The following GPHN variants were observed in gnomAD, a reference collection of about 807,000 sequenced individuals.
GPHN encodes gephyrin.
A neutral mutation model predicts 95.5 loss-of-function variants in GPHN; 17 were observed. The ratio of observed to expected loss-of-function variants is 0.18; its 90% CI spans 0.12 to 0.27. The LOEUF is 0.27. GPHN is among the 10% of genes least tolerant of loss of function. The pLI is 1.00. For synonymous variants in GPHN, 320 were observed against 322.5 expected (o/e 0.99, Z 0.08); for missense variants, 660 against 978.1 (o/e 0.67, Z 4.34).
At chr14:66,681,321 T>C in intron 2 of GPHN, 136 bp downstream of exon 2, 9 of 647,794 alleles carry the variant, frequency 1.4e-5, no homozygotes, top group Non-Finnish European at 1.9e-5. Flanking sequence ...TTTACACATA[T>C]TGAAGTCTGA....
chr14:66,524,082 A>G (rs574857074), intron 1 of GPHN, among the ~76,000 whole-genome samples: 2 of 152,240 alleles, frequency 1.3e-5, no homozygotes, highest in South Asian at 2.1e-4. Flanking sequence ...GATAGTCTCT[A>G]AGGCTTGTTA....
intron 16 of GPHN, among the ~76,000 whole-genome samples, chr14:67,115,002 A>G (rs17183621): frequency 0.013 from 1,959 of 152,278 alleles, 26 homozygotes; most frequent in Middle Eastern, 0.02. Flanking sequence ...AGAAGCTTTG[A>G]CTAATTCTAC....
At chr14:67,326,677 A>G in the GPHN span, among the ~76,000 whole-genome samples, 1 of 152,080 alleles carries the variant, frequency 6.6e-6, no homozygotes, top group Admixed American at 6.5e-5. Context: ...TTCTGTCACT[A>G]TAGATTTGTT....
chr14:66,987,170 C>A (rs1375138033), intron 9 of GPHN, among the ~76,000 whole-genome samples: 3 of 152,112 alleles, frequency 2.0e-5, no homozygotes. Context: ...CAGTAGCATT[C>A]CTCACTGTCT....
the GPHN span, among the ~76,000 whole-genome samples, chr14:67,357,419 A>G: frequency 6.6e-6 from 1 of 152,210 alleles, no homozygotes; most frequent in South Asian, 2.1e-4. Context: ...CATGGGGAAA[A>G]TATTTAGAGA....
the GPHN span, among the ~76,000 whole-genome samples, chr14:67,601,569 C>G: frequency 6.6e-6 from 1 of 152,116 alleles, no homozygotes; most frequent in African/African-American, 2.4e-5. Flanking sequence ...TCCATTTTTA[C>G]TTCTGATGTG....
chr14:67,249,213 C>T, the GPHN span, among the ~76,000 whole-genome samples: 2 of 150,852 alleles, frequency 1.3e-5, no homozygotes, highest in South Asian at 2.1e-4. Flanking sequence ...TTGCACGTCT[C>T]GGCCTCCCAA....
chr14:67,717,122 T>C, the GPHN span, among the ~76,000 whole-genome samples: 1 of 152,154 alleles, frequency 6.6e-6, no homozygotes, highest in African/African-American at 2.4e-5. Context: ...TTAACTAGAG[T>C]TCAATATTTA....
rs780946467 is a variant in GPHN at position 66,824,599 on chromosome 14, A to T, written c.294+33A>T. ...AGTACATGCCTTTTCATATTCAAGGATTAAACTAATCATGGTTTTTTTAAT... is the reference window on the plus strand; with the variant it reads ...AGTACATGCCTTTTCATATTCAAGGTTTAAACTAATCATGGTTTTTTTAAT... On this transcript the variant is annotated intron_variant, in intron 4 of 22. Coordinates refer to ENST00000478722, the MANE Select transcript of GPHN (RefSeq NM_020806.5). 27 of 943,762 alleles carry T rather than the reference A, an allele frequency of 2.9e-5. 1 individual carries two copies. The highest frequency in any genetic ancestry group is 4.8e-5 in the African/African-American group (3 of 61,976). The allele number at this position is 943,762 out of a possible 1,614,324, so 58.5% of individuals were successfully genotyped here.
chr14:67,314,350 C>T, the GPHN span, among the ~76,000 whole-genome samples: 1 of 152,186 alleles, frequency 6.6e-6, no homozygotes, highest in Non-Finnish European at 1.5e-5. Flanking sequence ...GAGATTTCAA[C>T]ATAATATTTA....
chr14:67,286,862 A>C, the GPHN span, among the ~76,000 whole-genome samples: 1 of 151,018 alleles, frequency 6.6e-6, no homozygotes, highest in African/African-American at 2.4e-5. Flanking sequence ...TCTCAAAAAA[A>C]AAAAAAAAAA....
chr14:66,784,483 G>A (rs1033319003), intron 3 of GPHN, among the ~76,000 whole-genome samples: 6 of 152,088 alleles, frequency 3.9e-5, no homozygotes, highest in African/African-American at 1.2e-4. Context: ...AGCAGAATGG[G>A]TCAATACAAT....
chr14:67,585,708 T>TTTC, the GPHN span: 1 of 1,312,186 alleles, frequency 7.6e-7, no homozygotes, highest in Non-Finnish European at 1.1e-6. Context: ...AACATGGTCT[T>TTTC]TTCTTCTCCT....
chr14:66,937,657 A>G (rs1043509611), intron 8 of GPHN, among the ~76,000 whole-genome samples: 3 of 152,144 alleles, frequency 2.0e-5, no homozygotes, highest in African/African-American at 7.2e-5. Flanking sequence ...GATTACAGGC[A>G]TGAGCCACCG....
chr14:67,580,075 T>C, the GPHN span: 1 of 564,950 alleles, frequency 1.8e-6, no homozygotes, highest in South Asian at 2.2e-5. Context: ...TGCCCTTGTC[T>C]CTGGAGACAA....
At chr14:67,431,421 A>C in the GPHN span, among the ~76,000 whole-genome samples, 1 of 137,412 alleles carries the variant, frequency 7.3e-6, no homozygotes, top group Admixed American at 7.5e-5. Flanking sequence ...AAAAAAAAAA[A>C]CGGTTTAGTG....
chr14:67,159,270 T>A, intron 18 of GPHN, 145 bp from the exon 19 acceptor site: 1 of 677,992 alleles, frequency 1.5e-6, no homozygotes, highest in Non-Finnish European at 2.6e-6. Flanking sequence ...AATGAAGGAA[T>A]ATTTGTGTTA....
chr14:66,620,021 A>T (rs2063224233), intron 1 of GPHN, among the ~76,000 whole-genome samples: 1 of 152,094 alleles, frequency 6.6e-6, no homozygotes, highest in African/African-American at 2.4e-5. Flanking sequence ...AGTGTTGGAT[A>T]TATGGAGTGG....
At chr14:67,623,533 C>CTTTT in the GPHN span, among the ~76,000 whole-genome samples, 1 of 120,088 alleles carries the variant, frequency 8.3e-6, no homozygotes, top group African/African-American at 3.5e-5. Context: ...TCTCAGGTAA[C>CTTTT]CTTTTTTTTT....
Sources: allele counts gnomAD v4.1 joint callset (sites outside exome capture counted in the v4.1 genomes callset), GRCh38; gene constraint gnomAD v4.1.1; transcripts MANE v1.5; gene names NCBI Gene and HGNC (gene_info 2026-07-23, HGNC 2026-07-21).